The following CACNA1C variants were observed in gnomAD, a reference collection of about 807,000 sequenced individuals.
CACNA1C encodes the protein calcium voltage-gated channel subunit alpha1 C, also known as voltage-dependent L-type calcium channel subunit alpha-1C.
In CACNA1C, 30 loss-of-function variants were observed where a neutral mutation model predicts 229.0. The observed-to-expected ratio is 0.13, with a 90% CI of 0.10 to 0.18. The LOEUF is 0.18. Among genes scored for constraint, CACNA1C ranks in the 10% least tolerant of loss-of-function variants. The pLI, the probability that CACNA1C is intolerant of heterozygous loss-of-function variation, is 1.00. For synonymous variants in CACNA1C, 1,114 were observed against 1,132.5 expected, an observed-to-expected ratio of 0.98 and a Z score of 0.33; for missense variants, 1,658 against 2,845.0, an observed-to-expected ratio of 0.58 and a Z score of 9.49.
At chr12:2,474,375 G>A (rs1405849646) in intron 5 of CACNA1C, among the ~76,000 whole-genome samples, 1 of 152,200 alleles carries the variant, frequency 6.6e-6, no homozygotes, top group Non-Finnish European at 1.5e-5. Context: ...ATATATCCTT[G>A]TATTCAAAAC....
intron 3 of CACNA1C, among the ~76,000 whole-genome samples, chr12:2,445,270 T>C (rs1193169998): frequency 6.6e-6 from 1 of 152,230 alleles, no homozygotes; most frequent in African/African-American, 2.4e-5. Context: ...TGTGCTTGCC[T>C]CCGGAATGCC....
At chr12:2,195,827 C>T (rs991462619) in intron 3 of CACNA1C, among the ~76,000 whole-genome samples, 1 of 152,222 alleles carries the variant, frequency 6.6e-6, no homozygotes, top group Non-Finnish European at 1.5e-5. Flanking sequence ...ATTCGTATGT[C>T]AGATCTGGAA....
chr12:2,282,336 C>T (rs1375257532), intron 3 of CACNA1C, among the ~76,000 whole-genome samples: 2 of 152,186 alleles, frequency 1.3e-5, no homozygotes, highest in Admixed American at 6.5e-5. Flanking sequence ...AAGGAGAGTC[C>T]TGTGAGCCCA....
At chr12:2,515,282 T>C (rs2099794192) in intron 9 of CACNA1C, among the ~76,000 whole-genome samples, 1 of 152,142 alleles carries the variant, frequency 6.6e-6, no homozygotes, top group Non-Finnish European at 1.5e-5. Context: ...AGAGACTGTG[T>C]CTGTTGGGGA....
chr12:2,099,421 C>G (rs1244351926), intron 1 of CACNA1C, among the ~76,000 whole-genome samples: 1 of 149,438 alleles, frequency 6.7e-6, no homozygotes, highest in Admixed American at 6.6e-5. Context: ...GCTTCTTTCT[C>G]TGTGGCTGCA....
At chr12:2,634,210 TTCA>T (rs2091882914) in intron 29 of CACNA1C, 84 bp from the exon 30 acceptor site, 2 of 421,638 alleles carry the variant, frequency 4.7e-6, no homozygotes, top group African/African-American at 2.1e-5. Flanking sequence ...TTTTTTTTTT[TTCA>T]TTTTTCCTCT....
Position 2,647,634 on chromosome 12 carries a change from G to A in CACNA1C, c.3913-841G>A, listed in dbSNP as rs1008069064. On this transcript the variant is annotated intron_variant, in intron 30 of 46. Coordinates refer to ENST00000399655, the MANE Select transcript of CACNA1C (RefSeq NM_000719.7). The surrounding 1 kb of genome is among the most constrained non-coding windows in gnomAD (Gnocchi z 4.2). Reference sequence around the variant, plus strand: ...GGAGTGGGTTGAGGCCACCTCTGGAGGCCCTCCTCAGTGTTGACTTGAAGT... The same window carrying A: ...GGAGTGGGTTGAGGCCACCTCTGGAAGCCCTCCTCAGTGTTGACTTGAAGT... Among the ~76,000 whole-genome samples the A allele has an allele frequency of 3.3e-5, 5 of 152,150 alleles. No individual in the cohort carries two copies. Among genetic ancestry groups the A allele is most frequent in the African/African-American group, 1.2e-4 (5 of 41,420 alleles).
intron 3 of CACNA1C, among the ~76,000 whole-genome samples, chr12:2,443,874 T>G (rs61907856): frequency 0.15 from 22,652 of 152,210 alleles, 2,155 homozygotes; most frequent in African/African-American, 0.26. Flanking sequence ...TGTTTTTTGT[T>G]GTTTTTTTTA....
chr12:2,227,471 TAGA>T (rs1212926725), intron 3 of CACNA1C, among the ~76,000 whole-genome samples: 1 of 152,212 alleles, frequency 6.6e-6, no homozygotes, highest in Non-Finnish European at 1.5e-5. Context: ...ATTGTCCTGT[TAGA>T]AGGATTAAAT....
At chr12:2,565,475 GAAAA>G (rs4016834) in intron 11 of CACNA1C, among the ~76,000 whole-genome samples, 2 of 117,708 alleles carry the variant, frequency 1.7e-5, no homozygotes. Context: ...CTCCGTCTCA[GAAAA>G]AAAAAAAAAA....
chr12:2,552,420 G>T (rs1051654811), intron 10 of CACNA1C, among the ~76,000 whole-genome samples: 1 of 152,204 alleles, frequency 6.6e-6, no homozygotes, highest in Non-Finnish European at 1.5e-5. Flanking sequence ...AGGCTTCTTT[G>T]CAGAATTAAA....
intron 9 of CACNA1C, among the ~76,000 whole-genome samples, chr12:2,523,463 T>C (rs1407893106): frequency 6.6e-6 from 1 of 152,136 alleles, no homozygotes; most frequent in African/African-American, 2.4e-5. Context: ...CTTTCCTGCC[T>C]TGGCAAGTAC....
chr12:2,060,837 A>G (rs2154516068), intron 1 of CACNA1C, among the ~76,000 whole-genome samples: 1 of 152,398 alleles, frequency 6.6e-6, no homozygotes, highest in Admixed American at 6.5e-5. Context: ...GCCAAAATCT[A>G]GACAGTGAAT....
intron 1 of CACNA1C, among the ~76,000 whole-genome samples, chr12:2,093,488 G>A (rs2072320710): frequency 6.6e-6 from 1 of 152,242 alleles, no homozygotes; most frequent in Admixed American, 6.5e-5. Context: ...CTGCACAGAT[G>A]GAAGTGGGTA....
intron 37 of CACNA1C, among the ~76,000 whole-genome samples, chr12:2,667,332 T>TGGCCACTCCACGC (rs1569149779): frequency 2.6e-5 from 4 of 152,026 alleles, no homozygotes; most frequent in African/African-American, 9.7e-5. Context: ...GTGCTCCTTG[T>TGGCCACTCCACGC]TGGGGCAATA....
intron 1 of CACNA1C, among the ~76,000 whole-genome samples, chr12:2,093,117 C>T (rs1049417134): frequency 1.3e-4 from 20 of 152,218 alleles, no homozygotes; most frequent in East Asian, 3.9e-4. Context: ...TGGCCACTTT[C>T]GTTTCAGGCC....
At chr12:2,567,544 C>T in intron 12 of CACNA1C, 25 bp from the exon 13 acceptor site, 1 of 1,485,558 alleles carries the variant, frequency 6.7e-7, no homozygotes. Flanking sequence ...CTGCTCGGAT[C>T]TCATCCCTCT....
At chr12:2,025,535 A>G (rs565017530) in intron 1 of CACNA1C, among the ~76,000 whole-genome samples, 19 of 152,108 alleles carry the variant, frequency 1.2e-4, no homozygotes, top group African/African-American at 4.3e-4. Flanking sequence ...GGCCCATTTT[A>G]CTTTTAGCCT....
intron 1 of CACNA1C, among the ~76,000 whole-genome samples, chr12:2,081,041 T>C (rs919152991): frequency 6.6e-6 from 1 of 152,114 alleles, no homozygotes; most frequent in South Asian, 2.1e-4. Context: ...GAGTATTGAG[T>C]AGGGTAATTA....
Sources: allele counts gnomAD v4.1 joint callset (sites outside exome capture counted in the v4.1 genomes callset), GRCh38; gene constraint gnomAD v4.1.1; non-coding constraint Gnocchi (gnomAD v3.1); transcripts MANE v1.5; gene names NCBI Gene and HGNC (gene_info 2026-07-23, HGNC 2026-07-21).